Variants in TBC1D5 observed in about 807,000 individuals in gnomAD.
TBC1D5 encodes the protein TBC1 domain family member 5, also known as TBC1 domain family, member 5.
A neutral mutation model predicts 100.3 loss-of-function variants in TBC1D5; 75 were observed. The observed-to-expected ratio is 0.75, with a 90% CI of 0.62 to 0.91. The LOEUF (loss-of-function observed/expected upper bound fraction) is 0.91, where lower values mean the gene tolerates loss of function less well. Among genes scored for constraint, TBC1D5 ranks in the 40% least tolerant of loss-of-function variants. The pLI is 0.00. For missense variants in TBC1D5, 910 were observed against 942.4 expected, an observed-to-expected ratio of 0.97 and a Z score of 0.45; for synonymous variants, 323 against 325.6, an observed-to-expected ratio of 0.99 and a Z score of 0.09.
intron 9 of TBC1D5, among the ~76,000 whole-genome samples, chr3:17,381,535 T>C (rs907381798): frequency 6.6e-6 from 1 of 152,112 alleles, no homozygotes; most frequent in Non-Finnish European, 1.5e-5. Context: ...TTTAAGCTAA[T>C]GAACTAATGC....
intron 1 of TBC1D5, among the ~76,000 whole-genome samples, chr3:17,705,731 G>T (rs940688478): frequency 2.9e-5 from 4 of 139,094 alleles, no homozygotes; most frequent in African/African-American, 1.1e-4. Context: ...AGATGGGATG[G>T]CGGCCGGGCG....
intron 18 of TBC1D5, 28 bp downstream of exon 19, chr3:17,214,179 G>A (rs1230718171): frequency 6.9e-6 from 11 of 1,589,360 alleles, no homozygotes; most frequent in East Asian, 4.5e-5. Flanking sequence ...AATGAAGAAC[G>A]AAGAGAAAAC....
At chr3:17,166,996 C>G (rs2066680503) in intron 20 of TBC1D5, 68 bp from the exon 22 acceptor site, 1 of 1,424,164 alleles carries the variant, frequency 7.0e-7, no homozygotes, top group Non-Finnish European at 9.4e-7. Flanking sequence ...CTAGCTAAAT[C>G]TCTCAGACAT....
intron 14 of TBC1D5, among the ~76,000 whole-genome samples, chr3:17,294,777 T>C (rs1040342405): frequency 1.3e-4 from 20 of 152,224 alleles, no homozygotes; most frequent in African/African-American, 4.8e-4. Flanking sequence ...GTATCTCTAA[T>C]TTGCTAATGA....
At chr3:17,210,811 TA>T (rs2072891695) in intron 18 of TBC1D5, among the ~76,000 whole-genome samples, 1 of 152,120 alleles carries the variant, frequency 6.6e-6, no homozygotes, top group Non-Finnish European at 1.5e-5. Flanking sequence ...ACTCCTATTT[TA>T]AAAAATTTCT....
chr3:17,655,726 A>G (rs889242213), intron 1 of TBC1D5, among the ~76,000 whole-genome samples: 20 of 152,160 alleles, frequency 1.3e-4, no homozygotes, highest in African/African-American at 4.8e-4. Flanking sequence ...ATATTCCAAA[A>G]TCAGAAAAAA....
At chr3:17,181,060 C>G in intron 19 of TBC1D5, among the ~76,000 whole-genome samples, 1 of 152,154 alleles carries the variant, frequency 6.6e-6, no homozygotes, top group East Asian at 1.9e-4. Flanking sequence ...GCTCTCACAG[C>G]CACCTCAGTA....
intron 13 of TBC1D5, among the ~76,000 whole-genome samples, chr3:17,314,977 T>C (rs562839108): frequency 4.6e-4 from 70 of 152,332 alleles, no homozygotes; most frequent in Middle Eastern, 3.4e-3. Flanking sequence ...CTGATCATTT[T>C]TTAAGGTGGG....
chr3:17,448,342 C>T (rs1461939039), intron 3 of TBC1D5, among the ~76,000 whole-genome samples: 2 of 152,146 alleles, frequency 1.3e-5, no homozygotes, highest in Non-Finnish European at 2.9e-5. Context: ...TTTAAAACCC[C>T]TGTTCAGGCT....
At chr3:17,515,484 C>T (rs918268457) in intron 2 of TBC1D5, among the ~76,000 whole-genome samples, 3 of 152,140 alleles carry the variant, frequency 2.0e-5, no homozygotes, top group African/African-American at 4.8e-5. Context: ...TTAAACCTTA[C>T]AACAATTCTA....
chr3:17,497,112 A>G (rs2095718694), intron 3 of TBC1D5, among the ~76,000 whole-genome samples: 1 of 151,082 alleles, frequency 6.6e-6, no homozygotes, highest in Non-Finnish European at 1.5e-5. Context: ...ACACACACAC[A>G]CACACACACA....
chr3:17,357,188 G>A (rs922383997), intron 13 of TBC1D5, among the ~76,000 whole-genome samples: 6 of 152,142 alleles, frequency 3.9e-5, no homozygotes, highest in Non-Finnish European at 5.9e-5. Context: ...AAGAAGGAAG[G>A]GTGAAAAAGA....
At chr3:17,273,741 A>C (rs2079668405) in intron 15 of TBC1D5, among the ~76,000 whole-genome samples, 1 of 148,108 alleles carries the variant, frequency 6.8e-6, no homozygotes, top group African/African-American at 2.5e-5. Flanking sequence ...CGGGAGGTGG[A>C]GGTTGCAGTG....
At chr3:17,599,424 T>C (rs966683927) in intron 2 of TBC1D5, among the ~76,000 whole-genome samples, 2 of 151,968 alleles carry the variant, frequency 1.3e-5, no homozygotes, top group African/African-American at 4.8e-5. Flanking sequence ...CTGGGGGCGG[T>C]TGAACTCCAC....
At chr3:17,560,892 G>A (rs999722283) in intron 2 of TBC1D5, among the ~76,000 whole-genome samples, 2 of 151,746 alleles carry the variant, frequency 1.3e-5, no homozygotes, top group Admixed American at 1.3e-4. Context: ...CTGCACTCCA[G>A]CCTGGGCGAC....
chr3:17,583,264 GAC>G (rs1313364745), intron 2 of TBC1D5, among the ~76,000 whole-genome samples: 1 of 151,830 alleles, frequency 6.6e-6, no homozygotes, highest in Non-Finnish European at 1.5e-5. Flanking sequence ...TGGCCTGGGA[GAC>G]AGAGTGACAC....
chr3:17,704,790 T>C (rs1577647157), intron 1 of TBC1D5, among the ~76,000 whole-genome samples: 2 of 45,342 alleles, frequency 4.4e-5, no homozygotes, highest in Non-Finnish European at 8.5e-5. Flanking sequence ...GAGGCGCCCC[T>C]CACCTCCCAG....
At chr3:17,724,841 G>A (rs1384829286) in intron 1 of TBC1D5, among the ~76,000 whole-genome samples, 1 of 151,828 alleles carries the variant, frequency 6.6e-6, no homozygotes, top group East Asian at 1.9e-4. Flanking sequence ...TTCCTTCTCT[G>A]TGATACATTC....
intron 19 of TBC1D5, among the ~76,000 whole-genome samples, chr3:17,177,517 G>A (rs1054385181): frequency 1.3e-5 from 2 of 152,138 alleles, no homozygotes; most frequent in Non-Finnish European, 2.9e-5. Context: ...TTGAAGCATG[G>A]GGTTATGAAT....
Sources: gnomAD v4.1 joint callset for allele counts (sites outside exome capture counted in the v4.1 genomes callset) on GRCh38, gnomAD v4.1.1 for gene constraint, MANE v1.5 for transcripts, NCBI Gene and HGNC (gene_info 2026-07-23, HGNC 2026-07-21) for gene names.